The following SIMC1 variants were observed in gnomAD, a reference collection of about 807,000 sequenced individuals.
The protein encoded by SIMC1 is SUMO interacting motifs containing 1.
Under a neutral mutation model 82.3 loss-of-function variants are expected in SIMC1, and 55 were observed. The ratio of observed to expected loss-of-function variants is 0.67; its 90% CI spans 0.54 to 0.84. The LOEUF is 0.84. Among genes scored for constraint, SIMC1 ranks in the 40% least tolerant of loss-of-function variants. The pLI is 0.00. For synonymous variants in SIMC1, 353 were observed against 426.3 expected, an observed-to-expected ratio of 0.83 and a Z score of 2.12; for missense variants, 915 against 1,107.2, an observed-to-expected ratio of 0.83 and a Z score of 2.46.
intron 6 of SIMC1, 122 bp from the exon 7 acceptor site, chr5:176,324,507 G>A: frequency 1.0e-6 from 1 of 972,312 alleles, no homozygotes; most frequent in Non-Finnish European, 1.4e-6. Context: ...CCTTGTGTGT[G>A]CTTTATAAGA....
intron 7 of SIMC1, among the ~76,000 whole-genome samples, chr5:176,334,080 A>T (rs1407946772): frequency 6.6e-6 from 1 of 152,018 alleles, no homozygotes; most frequent in Admixed American, 6.6e-5. Flanking sequence ...GAACATATTT[A>T]TAATAGTTGT....
intron 1 of SIMC1, chr5:176,263,391 G>A (rs371517086): frequency 6.6e-7 from 1 of 1,518,910 alleles, no homozygotes. Flanking sequence ...AAAGAAAAGA[G>A]GTTTATTTGG....
At chr5:176,262,542 C>T (rs1286725273) in intron 1 of SIMC1, among the ~76,000 whole-genome samples, 2 of 152,188 alleles carry the variant, frequency 1.3e-5, no homozygotes, top group African/African-American at 4.8e-5. Context: ...TGGTAGATCA[C>T]GCCTGTAATC....
At chr5:176,296,940 G>A (rs760503072) in intron 4 of SIMC1, among the ~76,000 whole-genome samples, 15 of 152,184 alleles carry the variant, frequency 9.9e-5, no homozygotes, top group Non-Finnish European at 2.1e-4. Context: ...GAATGTAAGA[G>A]TGATGACTGA....
chr5:176,341,407 A>G (rs1766137010), intron 9 of SIMC1, among the ~76,000 whole-genome samples: 1 of 152,264 alleles, frequency 6.6e-6, no homozygotes, highest in Admixed American at 6.5e-5. Context: ...AGCTGGTTCT[A>G]ATAACAGAGT....
chr5:176,264,020 C>A (rs1466456231), intron 1 of SIMC1, among the ~76,000 whole-genome samples: 1 of 152,230 alleles, frequency 6.6e-6, no homozygotes, highest in African/African-American at 2.4e-5. Flanking sequence ...GACATTAAAT[C>A]TTAAAGCTCC....
intron 7 of SIMC1, among the ~76,000 whole-genome samples, chr5:176,327,832 A>T (rs953993123): frequency 3.9e-5 from 6 of 152,208 alleles, no homozygotes; most frequent in Non-Finnish European, 7.3e-5. Flanking sequence ...GTCTCCATCT[A>T]TTGAGATAAT....
intron 4 of SIMC1, among the ~76,000 whole-genome samples, chr5:176,296,991 C>T (rs1352841090): frequency 1.3e-5 from 2 of 152,136 alleles, no homozygotes; most frequent in African/African-American, 4.8e-5. Context: ...AAAGAGGCTA[C>T]AGCCAAGGAA....
chr5:176,282,921 T>A (rs909437688), intron 1 of SIMC1, among the ~76,000 whole-genome samples: 2 of 152,162 alleles, frequency 1.3e-5, no homozygotes, highest in African/African-American at 4.8e-5. Flanking sequence ...AGAAAGGGTA[T>A]CAGTGATTGA....
At chr5:176,303,770 A>C (rs761590291) in intron 4 of SIMC1, among the ~76,000 whole-genome samples, 4 of 152,252 alleles carry the variant, frequency 2.6e-5, no homozygotes, top group Non-Finnish European at 4.4e-5. Flanking sequence ...CTTTGGGTAC[A>C]TGGTCAAGTG....
chr5:176,262,272 C>T (rs989442448), intron 1 of SIMC1, among the ~76,000 whole-genome samples: 1 of 97,314 alleles, frequency 1.0e-5, no homozygotes, highest in Admixed American at 1.2e-4. Flanking sequence ...AATACCCATT[C>T]ATGATTTAAA....
chr5:176,248,543 C>T (rs1258574952), intron 1 of SIMC1, among the ~76,000 whole-genome samples: 2 of 152,100 alleles, frequency 1.3e-5, no homozygotes, highest in Non-Finnish European at 2.9e-5. Context: ...ACAATCATGT[C>T]ATCTGCAAAC....
chr5:176,317,591 G>T (rs1764973414), intron 5 of SIMC1, among the ~76,000 whole-genome samples: 1 of 151,954 alleles, frequency 6.6e-6, no homozygotes. Context: ...ACACATATTT[G>T]CCAGCCTCTA....
chr5:176,341,102 G>A (rs375245225), intron 9 of SIMC1, among the ~76,000 whole-genome samples: 7 of 152,300 alleles, frequency 4.6e-5, no homozygotes, highest in African/African-American at 1.4e-4. Flanking sequence ...AGCTGAGATC[G>A]TGCCACTGCA....
intron 7 of SIMC1, among the ~76,000 whole-genome samples, chr5:176,330,611 T>C (rs1765606298): frequency 6.6e-6 from 1 of 152,070 alleles, no homozygotes; most frequent in South Asian, 2.1e-4. Context: ...CCAAAATGAA[T>C]ATTGACAGTA....
chr5:176,257,813 A>T (rs1224979059), intron 1 of SIMC1, among the ~76,000 whole-genome samples: 1 of 152,136 alleles, frequency 6.6e-6, no homozygotes, highest in African/African-American at 2.4e-5. Context: ...TGGGCCGTAT[A>T]ATTATTTGTT....
chr5:176,341,720 G>T (rs1766156563), intron 9 of SIMC1, among the ~76,000 whole-genome samples: 1 of 152,142 alleles, frequency 6.6e-6, no homozygotes, highest in Non-Finnish European at 1.5e-5. Context: ...AAGAGCTCAG[G>T]TTTGACATAT....
intron 9 of SIMC1, 29 bp downstream of exon 9, chr5:176,337,175 A>G: frequency 5.1e-6 from 8 of 1,575,972 alleles, no homozygotes; most frequent in Non-Finnish European, 7.0e-6. Flanking sequence ...CAAGTGGAGT[A>G]GTGGAAGGTC....
rs1214862128 is a variant in SIMC1, at chr5:176,310,941, T to TA, written c.1735-2742dup. Among the ~76,000 whole-genome samples the TA allele has an allele frequency of 6.6e-5, 10 of 151,854 alleles. No homozygotes were observed. The South Asian group carries it at 8.3e-4, about 13-fold the overall frequency. Reference sequence around the variant, plus strand: ...GCATACCATTAATATGGGCAGACGTTAAAAAAAATAAGCTAAGTGAAAGAA... The same window carrying TA: ...GCATACCATTAATATGGGCAGACGTTAAAAAAAAATAAGCTAAGTGAAAGAA... On this transcript the variant is annotated intron_variant, in intron 4 of 9. Transcript: ENST00000429602.
Sources: gnomAD v4.1 joint callset for allele counts (sites outside exome capture counted in the v4.1 genomes callset) on GRCh38, gnomAD v4.1.1 for gene constraint, MANE v1.5 for transcripts, NCBI Gene and HGNC (gene_info 2026-07-23, HGNC 2026-07-21) for gene names.